The following CPA6 variants were observed in gnomAD, a reference collection of about 807,000 sequenced individuals.
CPA6 encodes the protein carboxypeptidase B.
In CPA6, 58 loss-of-function variants were observed where a neutral mutation model predicts 63.3. The observed-to-expected ratio is 0.92, with a 90% CI of 0.74 to 1.14. The LOEUF is 1.14. Among genes scored for constraint, CPA6 ranks in the 50% most tolerant of loss-of-function variants. The probability of loss-of-function intolerance (pLI) is 0.00; values close to 1 mark genes in which losing one functional copy is unlikely to be tolerated. For synonymous variants in CPA6, 185 were observed against 179.0 expected (o/e 1.03, Z -0.27); for missense variants, 565 against 526.6 (o/e 1.07, Z -0.71).
chr8:67,615,238 G>T (rs996046616), intron 2 of CPA6, among the ~76,000 whole-genome samples: 3 of 152,138 alleles, frequency 2.0e-5, no homozygotes, highest in African/African-American at 7.2e-5. Flanking sequence ...TTAATTAAAA[G>T]AATCTTCAAC....
chr8:67,705,077 A>C (rs1302864163), intron 1 of CPA6, among the ~76,000 whole-genome samples: 3 of 152,176 alleles, frequency 2.0e-5, no homozygotes, highest in African/African-American at 7.2e-5. Context: ...CAGCCCCTCC[A>C]GGTTGCCCCA....
intron 1 of CPA6, among the ~76,000 whole-genome samples, chr8:67,626,180 C>T (rs1815190701): frequency 6.6e-6 from 1 of 152,116 alleles, no homozygotes; most frequent in Non-Finnish European, 1.5e-5. Context: ...ATAAATTACC[C>T]AGTCTCAGGT....
chr8:67,678,276 A>G (rs1332581194), intron 1 of CPA6, among the ~76,000 whole-genome samples: 1 of 145,842 alleles, frequency 6.9e-6, no homozygotes, highest in African/African-American at 2.6e-5. Context: ...CCCTGATGAA[A>G]TAAACTGCAT....
At chr8:67,711,932 A>G (rs968189027) in intron 1 of CPA6, among the ~76,000 whole-genome samples, 1 of 152,132 alleles carries the variant, frequency 6.6e-6, no homozygotes, top group East Asian at 1.9e-4. Flanking sequence ...CCACAGAGCC[A>G]TGTAATACTT....
intron 2 of CPA6, among the ~76,000 whole-genome samples, chr8:67,611,318 A>G (rs1814802089): frequency 6.6e-6 from 1 of 152,168 alleles, no homozygotes; most frequent in African/African-American, 2.4e-5. Context: ...ACTTGACCTC[A>G]GGTGATCTGC....
chr8:67,648,289 C>G (rs1428572719), intron 1 of CPA6, among the ~76,000 whole-genome samples: 6 of 114,178 alleles, frequency 5.3e-5, no homozygotes, highest in Non-Finnish European at 8.8e-5. Context: ...GCTAGACCTT[C>G]TCTTTTCTTA....
At chr8:67,647,865 A>G (rs567570839) in intron 1 of CPA6, among the ~76,000 whole-genome samples, 1 of 152,260 alleles carries the variant, frequency 6.6e-6, no homozygotes, top group South Asian at 2.1e-4. Context: ...AGCCCACTGA[A>G]TCCCCCTAAA....
chr8:67,589,785 G>A (rs957541957), intron 2 of CPA6, among the ~76,000 whole-genome samples: 1 of 151,846 alleles, frequency 6.6e-6, no homozygotes, highest in Non-Finnish European at 1.5e-5. Context: ...TTCCCCCTAG[G>A]CACACTCTCC....
At chr8:67,437,952 G>T (rs1175758996) in intron 8 of CPA6, among the ~76,000 whole-genome samples, 1 of 152,128 alleles carries the variant, frequency 6.6e-6, no homozygotes, top group Non-Finnish European at 1.5e-5. Flanking sequence ...GTCTTGCTCA[G>T]TCGCTCAGGC....
chr8:67,475,848 T>TTTCC (rs1811191836), intron 8 of CPA6, among the ~76,000 whole-genome samples: 1 of 97,128 alleles, frequency 1.0e-5, no homozygotes. Context: ...TCTTTCTTTC[T>TTTCC]TTCTTTCTTT....
chr8:67,491,992 C>T (rs1006393710), intron 6 of CPA6, among the ~76,000 whole-genome samples: 5 of 152,118 alleles, frequency 3.3e-5, no homozygotes, highest in Non-Finnish European at 5.9e-5. Flanking sequence ...GTCCTTGTTT[C>T]CCGGTGATAA....
chr8:67,543,303 T>C (rs1367139448), intron 2 of CPA6, among the ~76,000 whole-genome samples: 3 of 152,268 alleles, frequency 2.0e-5, no homozygotes, highest in Middle Eastern at 3.2e-3. Context: ...TGCTGAAGAA[T>C]AGACAGTTTT....
At chr8:67,518,464 A>C (rs1444878035) in intron 2 of CPA6, among the ~76,000 whole-genome samples, 3 of 151,708 alleles carry the variant, frequency 2.0e-5, no homozygotes, top group Admixed American at 1.3e-4. Flanking sequence ...TTTCAAATGG[A>C]ACATTCTCTC....
At chr8:67,578,619 G>C (rs577406594) in intron 2 of CPA6, among the ~76,000 whole-genome samples, 86 of 63,560 alleles carry the variant, frequency 1.4e-3, no homozygotes, top group African/African-American at 5.5e-3. Context: ...TGCTCCTTAT[G>C]GGTCCCTGTT....
chr8:67,668,783 A>ATTT lies in CPA6; in HGVS notation c.117-44533_117-44532insAAA, dbSNP rs1431549828. Among the ~76,000 whole-genome samples the ATTT allele has an allele frequency of 6.8e-3, 1,036 of 152,342 alleles. 7 individuals carry two copies. The highest frequency in any genetic ancestry group is 0.024 in the African/African-American group (978 of 41,560). On this transcript the variant is annotated intron_variant, in intron 1 of 10. Coordinates refer to ENST00000297770, the MANE Select transcript of CPA6 (RefSeq NM_020361.5). ...AAAATGAAAGCCTCTATCAAGAAGC[A>ATTT]CATAATGAAGAGAGGAAACTGACGT...
chr8:67,451,450 T>C (rs2128955771), intron 8 of CPA6, among the ~76,000 whole-genome samples: 1 of 152,308 alleles, frequency 6.6e-6, no homozygotes, highest in South Asian at 2.1e-4. Context: ...GACTGTCTAG[T>C]TTCAGGAAAC....
At chr8:67,653,332 C>A (rs1815894248) in intron 1 of CPA6, among the ~76,000 whole-genome samples, 1 of 152,130 alleles carries the variant, frequency 6.6e-6, no homozygotes, top group Non-Finnish European at 1.5e-5. Context: ...TTACCTTGGG[C>A]AGTATGGCCA....
At chr8:67,706,568 A>G (rs573630577) in intron 1 of CPA6, among the ~76,000 whole-genome samples, 3 of 152,204 alleles carry the variant, frequency 2.0e-5, no homozygotes, top group Non-Finnish European at 4.4e-5. Context: ...AGATTTGAGC[A>G]AGTTGTGGAA....
At chr8:67,687,087 C>A (rs1816723020) in intron 1 of CPA6, among the ~76,000 whole-genome samples, 1 of 119,652 alleles carries the variant, frequency 8.4e-6, no homozygotes, top group African/African-American at 5.0e-5. Flanking sequence ...GAAGCAACAT[C>A]TTAACTCCAG....
Sources: allele counts gnomAD v4.1 joint callset (sites outside exome capture counted in the v4.1 genomes callset), GRCh38; gene constraint gnomAD v4.1.1; transcripts MANE v1.5; gene names NCBI Gene and HGNC (gene_info 2026-07-23, HGNC 2026-07-21).